The following MPHOSPH9 variants were observed in gnomAD, a reference collection of about 807,000 sequenced individuals.
The protein encoded by MPHOSPH9 is M-phase phosphoprotein 9.
MPHOSPH9 carries 88 observed loss-of-function variants against 145.5 expected under a neutral mutation model. That is an observed-to-expected ratio of 0.60 (90% CI 0.51 to 0.72). The LOEUF is 0.72. MPHOSPH9 is among the 30% of genes least tolerant of loss of function. MPHOSPH9 has a pLI of 0.00. For synonymous variants in MPHOSPH9, 435 were observed against 486.2 expected (o/e 0.89, Z 1.39); for missense variants, 1,238 against 1,386.6 (o/e 0.89, Z 1.70).
chr12:123,156,624 A>G lies in MPHOSPH9; in HGVS notation c.*183T>C, dbSNP rs998269136. 30 of 439,732 alleles carry G rather than the reference A, an allele frequency of 6.8e-5. No homozygotes were observed. The highest frequency in any genetic ancestry group is 3.8e-4 in the African/African-American group (19 of 50,562). 27.2% of individuals were successfully genotyped at this position (439,732 alleles called of 1,614,324 possible). On this transcript the variant is annotated 3_prime_UTR_variant, in exon 24 of 24. Transcript: ENST00000606320. ...TAAAATATACAAGAGATTCCTGAGC[A>G]TAACAAAAATATCTTGAAAATATGT... is the stretch of plus-strand genomic sequence containing the variant.
At chr12:123,228,649 C>T (rs2138673110) in intron 2 of MPHOSPH9, among the ~76,000 whole-genome samples, 1 of 152,194 alleles carries the variant, frequency 6.6e-6, no homozygotes, top group South Asian at 2.1e-4. Flanking sequence ...GATGGCACCA[C>T]TGCACCCCAG....
At chr12:123,162,852 G>T in intron 20 of MPHOSPH9, 162 bp downstream of exon 20, 1 of 625,384 alleles carries the variant, frequency 1.6e-6, no homozygotes, top group Non-Finnish European at 2.5e-6. Flanking sequence ...TCATTGTACT[G>T]CAGTACTTTA....
chr12:123,198,389 T>C, intron 11 of MPHOSPH9, 55 bp from the exon 12 acceptor site: 1 of 1,371,208 alleles, frequency 7.3e-7, no homozygotes, highest in Non-Finnish European at 1.0e-6. Flanking sequence ...CCCTTAAAAG[T>C]ATTACATAAA....
intron 2 of MPHOSPH9, chr12:123,230,042 C>T (rs1418817060): frequency 3.5e-5 from 11 of 316,650 alleles, no homozygotes; most frequent in Non-Finnish European, 6.4e-5. Flanking sequence ...GGCTGGTCTC[C>T]AACTCCTGGC....
Position 123,181,190 on chromosome 12 carries a change from G to C in MPHOSPH9, c.2262C>G (p.Ser754=). 3.1e-6 allele frequency: 5 copies of C among 1,611,592 alleles called. No individual in the cohort carries two copies. The highest frequency in any genetic ancestry group is 4.2e-6 in the Non-Finnish European group (5 of 1,178,354). The part of the protein sequence containing the change: ...MFQDLLGEYE[S]LGKEHRRVKD... ...TTACTCTCCTGTGTTCTTTTCCAAG[G>C]GACTCATACTCTCCTAAAAGCTACA... is the stretch of plus-strand genomic sequence containing the variant. The change falls in exon 14 of 24, where the codon TCC becomes TCG. Residue 754 remains serine, a synonymous_variant. Coordinates refer to ENST00000606320, the MANE Select transcript of MPHOSPH9 (RefSeq NM_022782.4).
intron 1 of MPHOSPH9, among the ~76,000 whole-genome samples, chr12:123,243,638 G>C (rs1210800363): frequency 6.6e-6 from 1 of 152,084 alleles, no homozygotes; most frequent in African/African-American, 2.4e-5. Flanking sequence ...CCAGGAGGCG[G>C]AGGTTGCAGG....
chr12:123,220,302 C>T (rs1270901548), intron 5 of MPHOSPH9, among the ~76,000 whole-genome samples: 2 of 151,938 alleles, frequency 1.3e-5, no homozygotes, highest in Non-Finnish European at 1.5e-5. Flanking sequence ...CACGGTGGCT[C>T]ACACCATAAT....
intron 5 of MPHOSPH9, among the ~76,000 whole-genome samples, chr12:123,220,903 A>G (rs575124544): frequency 6.6e-6 from 1 of 152,152 alleles, no homozygotes; most frequent in South Asian, 2.1e-4. Flanking sequence ...AAAATACAAA[A>G]AATTAGCCTG....
At chr12:123,235,692 T>G (rs1447901253), upstream of MPHOSPH9, among the ~76,000 whole-genome samples, 1 of 151,802 alleles carries the variant, frequency 6.6e-6, no homozygotes, top group Non-Finnish European at 1.5e-5. Context: ...TTATCTTAAT[T>G]AATTGTTCAC....
chr12:123,161,086 T>C, intron 22 of MPHOSPH9, 50 bp downstream of exon 22: 2 of 1,593,144 alleles, frequency 1.3e-6, no homozygotes, highest in Non-Finnish European at 1.7e-6. Context: ...TCCTTAGACA[T>C]AAGCATTAAG....
At position 123,210,095 on chromosome 12, in the gene MPHOSPH9, C is replaced by G. The variant is rs150971924; in HGVS notation, c.1155G>C (p.Thr385=). The G allele has an allele frequency of 2.7e-5, 43 of 1,611,452 alleles. No individual in the cohort carries two copies. The highest frequency in any genetic ancestry group is 3.4e-5 in the Non-Finnish European group (40 of 1,178,872). The change falls in exon 8 of 24, where the codon ACG becomes ACC. Residue 385 remains threonine, a synonymous_variant. Coordinates refer to ENST00000606320, the MANE Select transcript of MPHOSPH9 (RefSeq NM_022782.4). ...CATCTGTGGAAGACAATGATATGAA[C>G]GTCTTCTCTAAAGTTTCAGGCAAAG... is the stretch of plus-strand genomic sequence containing the variant. The part of the protein sequence containing the change: ...HHSLPETLEK[T]FISLSSTDVS...
At chr12:123,215,566 CAAT>C (rs1473620380) in intron 6 of MPHOSPH9, among the ~76,000 whole-genome samples, 11 of 152,026 alleles carry the variant, frequency 7.2e-5, no homozygotes, top group African/African-American at 9.7e-5. Context: ...AACCATAAAT[CAAT>C]AATATGAGCC....
intron 15 of MPHOSPH9, among the ~76,000 whole-genome samples, chr12:123,178,483 A>C (rs2044980900): frequency 6.6e-6 from 1 of 151,934 alleles, no homozygotes; most frequent in South Asian, 2.1e-4. Flanking sequence ...CAAACATAAA[A>C]TTTGCTCTTG....
chr12:123,184,558 C>A (rs1292098639), intron 13 of MPHOSPH9, among the ~76,000 whole-genome samples: 2 of 149,042 alleles, frequency 1.3e-5, no homozygotes, highest in African/African-American at 5.0e-5. Flanking sequence ...AGTGCAGTAG[C>A]GTGATCTCTA....
intron 13 of MPHOSPH9, among the ~76,000 whole-genome samples, chr12:123,183,547 CA>C (rs746928699): frequency 2.3e-3 from 139 of 59,978 alleles, no homozygotes; most frequent in African/African-American, 7.7e-3. Flanking sequence ...GACTCTGTCT[CA>C]AAAAAAAAAA....
chr12:123,167,929 C>T lies in MPHOSPH9; in HGVS notation c.2457-1140G>A, dbSNP rs1013088877. ...CTCTCCAGTGAGGTGACCCTCTACT[C>T]CTCAGCCAGCCACCTCAGAGGGTAC... On this transcript the variant is annotated intron_variant, in intron 16 of 23. Transcript: ENST00000606320. 2.0e-5 allele frequency among the ~76,000 whole-genome samples: 3 copies of T among 152,180 alleles called. 1 individual carries two copies. The highest frequency in any genetic ancestry group is 2.0e-4 in the Admixed American group (3 of 15,274).
At chr12:123,187,873 C>A (rs1416635453) in intron 13 of MPHOSPH9, among the ~76,000 whole-genome samples, 1 of 152,150 alleles carries the variant, frequency 6.6e-6, no homozygotes, top group Non-Finnish European at 1.5e-5. Flanking sequence ...CACCTGTAAT[C>A]CCAACACTTT....
intron 16 of MPHOSPH9, among the ~76,000 whole-genome samples, chr12:123,172,304 A>G (rs1186698495): frequency 6.6e-6 from 1 of 151,754 alleles, no homozygotes. Flanking sequence ...GTATTTGTGG[A>G]CACTAAAATT....
intron 16 of MPHOSPH9, among the ~76,000 whole-genome samples, chr12:123,171,142 T>C (rs1054824406): frequency 1.3e-5 from 2 of 152,184 alleles, no homozygotes; most frequent in African/African-American, 2.4e-5. Flanking sequence ...TTCGTTCCTG[T>C]TCACTTTAAA....
Sources: gnomAD v4.1 joint callset for allele counts (sites outside exome capture counted in the v4.1 genomes callset) on GRCh38, gnomAD v4.1.1 for gene constraint, MANE v1.5 for transcripts, NCBI Gene and HGNC (gene_info 2026-07-23, HGNC 2026-07-21) for gene names.